Variants in BCORL1 observed in about 807,000 individuals in gnomAD.
BCORL1 encodes BCL6 corepressor like 1.
A neutral mutation model predicts 87.6 loss-of-function variants in BCORL1; 7 were observed. The ratio of observed to expected loss-of-function variants is 0.08; its 90% CI spans 0.05 to 0.15. The LOEUF is 0.15. Among genes scored for constraint, BCORL1 ranks in the 10% least tolerant of loss-of-function variants. BCORL1 has a pLI of 1.00. For synonymous variants in BCORL1, 591 were observed against 634.4 expected, an observed-to-expected ratio of 0.93 and a Z score of 1.03; for missense variants, 1,215 against 1,499.7, an observed-to-expected ratio of 0.81 and a Z score of 3.13.
intron 2 of BCORL1, among the ~76,000 whole-genome samples, chrX:130,006,670 T>C (rs1928531883): frequency 9.1e-6 from 1 of 110,040 alleles, no homozygotes; most frequent in Non-Finnish European, 1.9e-5. Flanking sequence ...TTTTTATTTT[T>C]TATTTATTGA....
intron 8 of BCORL1, among the ~76,000 whole-genome samples, chrX:130,030,179 A>G (rs752694900): frequency 1.8e-5 from 2 of 112,262 alleles, no homozygotes; most frequent in East Asian, 5.6e-4. Flanking sequence ...TGTCTGTGAC[A>G]GGCTTTGATA....
At chrX:130,048,001 G>A (rs1489729167) in intron 11 of BCORL1, among the ~76,000 whole-genome samples, 1 of 111,644 alleles carries the variant, frequency 9.0e-6, no homozygotes, top group Admixed American at 9.5e-5. Flanking sequence ...CACCTGAGCC[G>A]ACAGCGGGAC....
intron 1 of BCORL1, among the ~76,000 whole-genome samples, chrX:129,994,611 T>C (rs989909349): frequency 4.5e-5 from 5 of 111,573 alleles, no homozygotes; most frequent in Non-Finnish European, 9.4e-5. Flanking sequence ...GTCTCATAAA[T>C]GTTTATAGGT....
At chrX:130,009,496 G>A (rs1928794587) in intron 2 of BCORL1, among the ~76,000 whole-genome samples, 1 of 108,830 alleles carries the variant, frequency 9.2e-6, no homozygotes. Context: ...CAGTGTGTTT[G>A]GGGAAGGTCC....
intron 4 of BCORL1, among the ~76,000 whole-genome samples, chrX:130,016,467 G>A (rs1388373011): frequency 2.7e-5 from 3 of 112,287 alleles, no homozygotes; most frequent in Non-Finnish European, 5.6e-5. Context: ...AAATGATTCT[G>A]TCCCTGGGGT....
At position 130,058,036 on chromosome X, in the gene BCORL1, T is replaced by A. The variant is rs1309065076; in HGVS notation, c.*1900T>A. ...CCCTTTATGTTTCATTTTAAGCAAC[T>A]GGCTGTGGAGTCAAAAACACTTGCA... On this transcript the variant is annotated 3_prime_UTR_variant, in exon 14 of 14. Coordinates refer to ENST00000540052, the MANE Select transcript of BCORL1 (RefSeq NM_001379451.1). 1 of 111,060 alleles carries A rather than the reference T, an allele frequency of 9.0e-6. No homozygotes were observed. Among genetic ancestry groups the A allele is most frequent in the Non-Finnish European group, 1.9e-5 (1 of 53,041 alleles). The allele number at this position is 111,060 out of a possible 1,213,427, so 9.2% of individuals were successfully genotyped here.
At chrX:130,002,346 A>G (rs990816338) in intron 1 of BCORL1, among the ~76,000 whole-genome samples, 3 of 109,066 alleles carry the variant, frequency 2.8e-5, no homozygotes, top group Non-Finnish European at 5.7e-5. Flanking sequence ...CAGTGCATCA[A>G]GGGGCGAGCT....
In BCORL1 at chrX:130,028,740, C is replaced by T. The variant is rs1223782435; in HGVS notation, c.4184C>T (p.Ser1395Leu). The T allele has an allele frequency of 6.6e-6, 8 of 1,208,138 alleles. No homozygotes were observed. Among genetic ancestry groups the T allele is most frequent in the Non-Finnish European group, 8.9e-6 (8 of 894,636 alleles). Residue 1395 changes from serine (S) to leucine (L), a missense_variant, in exon 8 of 14, where the codon TCA (serine) becomes TTA (leucine). Ser to Leu is a moderately radical substitution (Grantham distance 145, BLOSUM62 -2). Around this residue, in one of 5 missense-constraint regions of BCORL1, gnomAD observed 166 missense variants for 196.5 expected, o/e 0.84. Transcript: ENST00000540052. ...AACAAAGTCCAGGGGATCTCGGATTCACCAAACGGTTTCCTCCCAAATAAC... is the reference window on the plus strand; with the variant it reads ...AACAAAGTCCAGGGGATCTCGGATTTACCAAACGGTTTCCTCCCAAATAAC... ...LPNKVQGISDSPNGFLPNNLE... is the reference protein window; with the variant it reads ...LPNKVQGISDLPNGFLPNNLE...
At chrX:130,034,709 GTT>G (rs1569382880) in intron 9 of BCORL1, 33 bp downstream of exon 9, 3 of 925,014 alleles carry the variant, frequency 3.2e-6, no homozygotes, top group Non-Finnish European at 4.3e-6. Context: ...ACAGGGCGCC[GTT>G]GGTCTGAGCA....
At chrX:130,055,500 CAGGTCACA>C (rs1488884947) in intron 13 of BCORL1, among the ~76,000 whole-genome samples, 1 of 112,553 alleles carries the variant, frequency 8.9e-6, no homozygotes, top group Non-Finnish European at 1.9e-5. Context: ...TGGCAAATGC[CAGGTCACA>C]GGGGCGCAGG....
At chrX:130,043,416 C>G (rs997088772) in intron 11 of BCORL1, among the ~76,000 whole-genome samples, 1 of 109,925 alleles carries the variant, frequency 9.1e-6, no homozygotes, top group African/African-American at 3.3e-5. Context: ...ATTTTTCATG[C>G]CTGTGTGCCT....
At chrX:130,010,998 A>G (rs1928894563) in intron 2 of BCORL1, among the ~76,000 whole-genome samples, 1 of 67,209 alleles carries the variant, frequency 1.5e-5, no homozygotes, top group African/African-American at 6.6e-5. Context: ...AGCGAGATTC[A>G]ATCTAAAAAA....
intron 2 of BCORL1, among the ~76,000 whole-genome samples, chrX:130,009,469 A>G (rs1228339273): frequency 2.5e-4 from 27 of 108,734 alleles, no homozygotes; most frequent in African/African-American, 3.3e-4. Context: ...AAGAAAGAAA[A>G]AAAAAAAAAA....
At chrX:130,028,939 G>A (rs1022957696) in intron 8 of BCORL1, 78 bp downstream of exon 8, 2 of 628,505 alleles carry the variant, frequency 3.2e-6, no homozygotes, top group South Asian at 2.6e-5. Context: ...GTGGGGGATG[G>A]GGAGGATCAA....
chrX:130,003,449 C>T (rs757101201), intron 1 of BCORL1, among the ~76,000 whole-genome samples: 3 of 107,864 alleles, frequency 2.8e-5, no homozygotes, highest in Non-Finnish European at 3.8e-5. Flanking sequence ...ATCAGCTCGC[C>T]GCAACCTCTG....
At chrX:129,997,966 C>T (rs1411812920) in intron 1 of BCORL1, among the ~76,000 whole-genome samples, 2 of 102,581 alleles carry the variant, frequency 1.9e-5, no homozygotes, top group Non-Finnish European at 3.9e-5. Context: ...TGTGCATGTG[C>T]CTCCTAAATT....
chrX:130,051,171 C>T (rs1932049872), intron 12 of BCORL1, among the ~76,000 whole-genome samples: 1 of 112,489 alleles, frequency 8.9e-6, no homozygotes, highest in Non-Finnish European at 1.9e-5. Context: ...CCTACCATTC[C>T]CTCCCTACCC....
upstream of BCORL1, among the ~76,000 whole-genome samples, chrX:129,980,383 G>T (rs1008157856): frequency 1.8e-5 from 2 of 113,150 alleles, no homozygotes; most frequent in Non-Finnish European, 3.8e-5. Context: ...CGGGGGCTCT[G>T]CCCAGGTAAA....
chrX:130,052,376 T>G lies in BCORL1; in HGVS notation c.5075+360T>G, dbSNP rs755752597. On this transcript the variant is annotated intron_variant, in intron 13 of 13. Coordinates refer to ENST00000540052, the MANE Select transcript of BCORL1 (RefSeq NM_001379451.1). ...CAGATAGAACATTAGAAATTGAGAT[T>G]GCTGGAAAAGCCAGGACATATGGTT... Among the ~76,000 whole-genome samples, 3 of 112,481 alleles carry G rather than the reference T, an allele frequency of 2.7e-5. No homozygotes were observed. The East Asian group carries it at 8.4e-4, about 31-fold the overall frequency.
Sources: allele counts gnomAD v4.1 joint callset (sites outside exome capture counted in the v4.1 genomes callset), GRCh38; gene constraint gnomAD v4.1.1; regional missense constraint gnomAD v4.1.1; transcripts MANE v1.5; gene names NCBI Gene and HGNC (gene_info 2026-07-23, HGNC 2026-07-21).